Variants in KICS2 observed in about 807,000 individuals in gnomAD.
KICS2 encodes KICSTOR complex protein C12orf66.
Under a neutral mutation model 31.4 loss-of-function variants are expected in KICS2, and 13 were observed. The ratio of observed to expected loss-of-function variants is 0.41; its 90% CI spans 0.27 to 0.66. KICS2 has a LOEUF of 0.66. Among genes scored for constraint, KICS2 ranks in the 30% least tolerant of loss-of-function variants. The pLI is 0.28. For synonymous variants in KICS2, 209 were observed against 214.8 expected (o/e 0.97, Z 0.24); for missense variants, 455 against 545.4 (o/e 0.83, Z 1.65).
chr12:64,187,143 T>C (rs2037344962), downstream of KICS2: 1 of 154,644 alleles, frequency 6.5e-6, no homozygotes, highest in South Asian at 2.1e-4. Context: ...AAAAGCAGAA[T>C]TCACTCTCTA....
intron 1 of KICS2, among the ~76,000 whole-genome samples, chr12:64,217,627 C>T (rs1194063553): frequency 4.0e-5 from 6 of 151,848 alleles, no homozygotes; most frequent in African/African-American, 1.5e-4. Flanking sequence ...GGTGAAACCC[C>T]GTCTGTACTA....
chr12:64,220,740 G>C (rs1009300958), intron 1 of KICS2, among the ~76,000 whole-genome samples: 1 of 151,930 alleles, frequency 6.6e-6, no homozygotes, highest in Admixed American at 6.6e-5. Context: ...TTTTTAATAA[G>C]TTATATGAAT....
rs753939407 is a variant in KICS2 at position 64,194,166 on chromosome 12, C to T, written c.1014G>A (p.Glu338=). ...GATACTGGTCCACACCCTTGGGGGC[C>T]TCTCTGTAGGAATGGGGGTGGTGAT... The part of the protein sequence containing the change: ...HGYHHPHSYR[E]APKGVDQYPA... Residue 338 remains glutamate, a synonymous_variant, in exon 3 of 3, where the codon GAG becomes GAA. Coordinates refer to ENST00000398055, the MANE Select transcript of KICS2 (RefSeq NM_152440.5). 6.2e-7 allele frequency: 1 copy of T among 1,614,120 alleles called. No individual in the cohort carries two copies. Among genetic ancestry groups the T allele is most frequent in the South Asian group, 1.1e-5 (1 of 91,072 alleles).
downstream of KICS2, among the ~76,000 whole-genome samples, chr12:64,189,670 A>AACAC (rs567956705): frequency 1.5e-3 from 228 of 151,338 alleles, 3 homozygotes; most frequent in Middle Eastern, 6.8e-3. Flanking sequence ...GAACATGGAA[A>AACAC]ACACACACAC....
downstream of KICS2, chr12:64,187,384 C>G (rs1458645264): frequency 1.9e-6 from 1 of 519,036 alleles, no homozygotes; most frequent in Non-Finnish European, 3.4e-6. Context: ...CCATTTGCAT[C>G]TCTCCATTTT....
rs1565717532 is a variant in KICS2 at position 64,205,633 on chromosome 12, G to GGAAGGAAGGAAGGAAAAAGT, written c.521+10044_521+10045insACTTTTTCCTTCCTTCCTTC. On this transcript the variant is annotated intron_variant, in intron 2 of 2. Transcript: ENST00000398055. ...AAAAGGGAAGGAAGGAAGGAAAAAG[G>GGAAGGAAGGAAGGAAAAAGT]GAGGGAAGGAATGAAGGAAGGGAGG... is the stretch of plus-strand genomic sequence containing the variant. Among the ~76,000 whole-genome samples the GGAAGGAAGGAAGGAAAAAGT allele has an allele frequency of 2.9e-4, 43 of 146,558 alleles. 1 individual carries two copies. Among genetic ancestry groups the GGAAGGAAGGAAGGAAAAAGT allele is most frequent in the Non-Finnish European group, 6.2e-4 (41 of 66,320 alleles).
rs544240596 is a variant in KICS2, at chr12:64,218,010, C to T, written c.236-2047G>A. On this transcript the variant is annotated intron_variant, in intron 1 of 2. Coordinates refer to ENST00000398055, the MANE Select transcript of KICS2 (RefSeq NM_152440.5). ...CAAAGCCATCCTGGACTGCATGTGGCCCGCAGGCCACAGGTTGGACAAGCT... is the reference window on the plus strand; with the variant it reads ...CAAAGCCATCCTGGACTGCATGTGGTCCGCAGGCCACAGGTTGGACAAGCT... Among the ~76,000 whole-genome samples the T allele has an allele frequency of 3.9e-5, 6 of 152,306 alleles. No individual in the cohort carries two copies. In the South Asian group the frequency reaches 1.2e-3, roughly 32 times the overall value.
chr12:64,192,098 A>C lies in KICS2; in HGVS notation c.*1744T>G, dbSNP rs2037384411. On this transcript the variant is annotated 3_prime_UTR_variant, in exon 3 of 3. Coordinates refer to ENST00000398055, the MANE Select transcript of KICS2 (RefSeq NM_152440.5). ...CACATGTTCTTCCCAGAAAATAAAA[A>C]ATAGGCCAGTAGATTCTTGGTTCTT... The C allele has an allele frequency of 1.3e-5, 2 of 151,102 alleles. No homozygotes were observed. The highest frequency in any genetic ancestry group is 4.9e-5 in the African/African-American group (2 of 41,204). 9.4% of individuals were successfully genotyped at this position (151,102 alleles called of 1,614,324 possible).
At chr12:64,188,064 C>T (rs575041191), downstream of KICS2, among the ~76,000 whole-genome samples, 4 of 152,198 alleles carry the variant, frequency 2.6e-5, no homozygotes, top group South Asian at 8.3e-4. Flanking sequence ...TCCTTCCTCG[C>T]TGCCTGAAAA....
At chr12:64,208,110 G>A (rs1405203114) in intron 2 of KICS2, among the ~76,000 whole-genome samples, 4 of 152,172 alleles carry the variant, frequency 2.6e-5, no homozygotes, top group African/African-American at 9.6e-5. Flanking sequence ...CCCGGGCTCA[G>A]GTGATACTCC....
chr12:64,206,599 G>T (rs879680641), intron 2 of KICS2, among the ~76,000 whole-genome samples: 1 of 152,208 alleles, frequency 6.6e-6, no homozygotes, highest in Non-Finnish European at 1.5e-5. Context: ...TTTGAATTGA[G>T]CCATGATGCT....
downstream of KICS2, among the ~76,000 whole-genome samples, chr12:64,188,774 T>C (rs1170841682): frequency 2.0e-5 from 3 of 152,084 alleles, no homozygotes; most frequent in Non-Finnish European, 4.4e-5. Context: ...GAGTCAGAAA[T>C]CCTTATAAAT....
intron 1 of KICS2, among the ~76,000 whole-genome samples, chr12:64,217,674 G>A (rs548437335): frequency 6.6e-6 from 1 of 152,160 alleles, no homozygotes; most frequent in South Asian, 2.1e-4. Flanking sequence ...GGTGGTGGGT[G>A]CCTATAATCC....
At chr12:64,210,718 A>C (rs1358865356) in intron 2 of KICS2, among the ~76,000 whole-genome samples, 1 of 152,212 alleles carries the variant, frequency 6.6e-6, no homozygotes, top group Non-Finnish European at 1.5e-5. Flanking sequence ...TTGAAGCTGC[A>C]GTGAGCCGAG....
At chr12:64,188,866 A>C (rs2037359224), downstream of KICS2, among the ~76,000 whole-genome samples, 1 of 152,104 alleles carries the variant, frequency 6.6e-6, no homozygotes, top group Non-Finnish European at 1.5e-5. Flanking sequence ...AAAAATAAAT[A>C]AATAAAGGCC....
intron 2 of KICS2, among the ~76,000 whole-genome samples, chr12:64,210,265 G>A (rs907934157): frequency 1.3e-5 from 2 of 152,186 alleles, no homozygotes; most frequent in Non-Finnish European, 2.9e-5. Flanking sequence ...AGCATGGGTG[G>A]AAGATGGAAA....
chr12:64,196,892 T>G (rs1169373479), intron 2 of KICS2, among the ~76,000 whole-genome samples: 17 of 148,888 alleles, frequency 1.1e-4, no homozygotes, highest in Middle Eastern at 3.5e-3. Flanking sequence ...AGAAGGGAAG[T>G]TTAGAGAAAA....
intron 2 of KICS2, chr12:64,205,031 A>G (rs903411068): frequency 6.6e-6 from 1 of 152,246 alleles, no homozygotes; most frequent in Non-Finnish European, 1.5e-5. Flanking sequence ...AGCATTAAAT[A>G]TCACAATCTT....
At chr12:64,194,690 A>G in intron 2 of KICS2, 32 bp from the exon 3 acceptor site, 1 of 1,561,538 alleles carries the variant, frequency 6.4e-7, no homozygotes, top group Non-Finnish European at 8.7e-7. Flanking sequence ...AGATAAGTGG[A>G]AATGTTACTT....
Sources: gnomAD v4.1 joint callset for allele counts (sites outside exome capture counted in the v4.1 genomes callset) on GRCh38, gnomAD v4.1.1 for gene constraint, MANE v1.5 for transcripts, NCBI Gene and HGNC (gene_info 2026-07-23, HGNC 2026-07-21) for gene names.